Variants in PCDHGA9 observed in about 807,000 individuals in gnomAD.
PCDHGA9 encodes protocadherin gamma-A9.
PCDHGA9 carries 37 observed loss-of-function variants against 62.5 expected under a neutral mutation model. The ratio of observed to expected loss-of-function variants is 0.59; its 90% CI spans 0.46 to 0.78. The LOEUF is 0.78. Among genes scored for constraint, PCDHGA9 ranks in the 30% least tolerant of loss-of-function variants. The pLI is 0.00. For synonymous variants in PCDHGA9, 459 were observed against 484.6 expected (o/e 0.95, Z 0.69); for missense variants, 1,138 against 1,166.2 (o/e 0.98, Z 0.35).
rs542248328 is a variant in PCDHGA9, at chr5:141,432,682, C to T, written c.2424+27306C>T. ...TGGACAGAGACGCGCTCAAGCAGAG[C>T]CTCGTAGTGGCCGTCCAGGACCACG... On this transcript the variant is annotated intron_variant, in intron 1 of 3. Coordinates refer to ENST00000573521, the MANE Select transcript of PCDHGA9 (RefSeq NM_018921.3). This position sits in a 1 kb window ranked among gnomAD's most constrained non-coding sequence, Gnocchi z 6.0. The T allele has an allele frequency of 6.5e-5, 105 of 1,613,976 alleles. No homozygotes were observed. In the African/African-American group the frequency reaches 1.1e-3, roughly 17 times the overall value.
intron 1 of PCDHGA9, among the ~76,000 whole-genome samples, chr5:141,469,029 C>A (rs2099189188): frequency 6.6e-6 from 1 of 152,052 alleles, no homozygotes; most frequent in Non-Finnish European, 1.5e-5. Flanking sequence ...GTAATCCCAG[C>A]ACTTTGGGAG....
chr5:141,415,819 TA>T, intron 1 of PCDHGA9: 2 of 1,328,322 alleles, frequency 1.5e-6, no homozygotes, highest in African/African-American at 1.5e-5. Context: ...CTATATATCA[TA>T]AGGCTTTGTT....
At chr5:141,507,785 C>T (rs1203302886) in intron 3 of PCDHGA9, among the ~76,000 whole-genome samples, 1 of 152,222 alleles carries the variant, frequency 6.6e-6, no homozygotes, top group African/African-American at 2.4e-5. Context: ...GCCTGACCCT[C>T]GTCTAAGCCT....
intron 1 of PCDHGA9, 146 bp from the exon 2 acceptor site, chr5:141,494,661 G>C (rs2099755951): frequency 6.7e-7 from 1 of 1,492,856 alleles, no homozygotes; most frequent in African/African-American, 1.4e-5. Context: ...TTTGTCTTTG[G>C]AGATGAGTCC....
chr5:141,457,798 C>T (rs1233396158), intron 1 of PCDHGA9, among the ~76,000 whole-genome samples: 5 of 152,194 alleles, frequency 3.3e-5, no homozygotes, highest in African/African-American at 9.6e-5. Context: ...GTTATCCTCT[C>T]CTCTTGAGGT....
chr5:141,405,621 C>T lies in PCDHGA9; in HGVS notation c.2424+245C>T, dbSNP rs2094693815. 9.2e-6 allele frequency: 5 copies of T among 543,194 alleles called. No individual in the cohort carries two copies. In the South Asian group the frequency reaches 1.0e-4, roughly 11 times the overall value. 33.6% of individuals were successfully genotyped at this position (543,194 alleles called of 1,614,324 possible). ...AGTAGAATAACTGGGACTACAGGCA[C>T]GTGCCACCACGCCCGGCTAATTTTT... On this transcript the variant is annotated intron_variant, in intron 1 of 3. Coordinates refer to ENST00000573521, the MANE Select transcript of PCDHGA9 (RefSeq NM_018921.3).
At chr5:141,509,040 C>G (rs1217864661) in intron 3 of PCDHGA9, among the ~76,000 whole-genome samples, 1 of 152,132 alleles carries the variant, frequency 6.6e-6, no homozygotes, top group Non-Finnish European at 1.5e-5. Context: ...CAACCCCTCT[C>G]CCCCGCCCCC....
Position 141,491,755 on chromosome 5 carries a change from G to A in PCDHGA9, c.2425-3052G>A. On this transcript the variant is annotated intron_variant, in intron 1 of 3. Transcript: ENST00000573521. This position sits in a 1 kb window ranked among gnomAD's most constrained non-coding sequence, Gnocchi z 6.9. Reference sequence around the variant, plus strand: ...CCCTGGGGGCGGCACTGGAGAAGCCGCCCGTCCTCATAAGGGATTGAACTT... The same window carrying A: ...CCCTGGGGGCGGCACTGGAGAAGCCACCCGTCCTCATAAGGGATTGAACTT... 6 of 1,582,196 alleles carry A rather than the reference G, an allele frequency of 3.8e-6. No individual in the cohort carries two copies. The highest frequency in any genetic ancestry group is 5.1e-6 in the Non-Finnish European group (6 of 1,165,450).
rs1230185523 is a variant in PCDHGA9, at chr5:141,413,155, G to C, written c.2424+7779G>C. 10 of 1,576,552 alleles carry C rather than the reference G, an allele frequency of 6.3e-6. No individual in the cohort carries two copies. The South Asian group carries it at 1.2e-4, about 18-fold the overall frequency. ...CAACGTGTCCAGTGAGGACTTTGCA[G>C]AATTCTGTAACCAGACTACAATGGC... On this transcript the variant is annotated intron_variant, in intron 1 of 3. Coordinates refer to ENST00000573521, the MANE Select transcript of PCDHGA9 (RefSeq NM_018921.3).
intron 3 of PCDHGA9, among the ~76,000 whole-genome samples, chr5:141,506,444 C>CAA (rs1219684339): frequency 1.2e-3 from 116 of 94,976 alleles, no homozygotes; most frequent in African/African-American, 4.2e-3. Flanking sequence ...CGCTCTGTCT[C>CAA]AAAAAAAAAA....
At chr5:141,409,973 G>A in intron 1 of PCDHGA9, 1 of 1,613,380 alleles carries the variant, frequency 6.2e-7, no homozygotes, top group Non-Finnish European at 8.5e-7. Context: ...AGTGACTAAG[G>A]TGGTAGCGGT....
intron 1 of PCDHGA9, chr5:141,413,659 A>G (rs2095663872): frequency 1.2e-6 from 2 of 1,613,830 alleles, no homozygotes; most frequent in African/African-American, 1.3e-5. Flanking sequence ...CCCGGAAGCT[A>G]TTGATCCGGA....
chr5:141,511,129 G>A lies in PCDHGA9; in HGVS notation c.2755G>A (p.Gly919Ser). ...GCGGGATGGCAAGGCCCCAGCAGGT[G>A]GCAATGGCAACAAGAAGAAGTCGGG... ...GKRDGKAPAGGNGNKKKSGKK... is the reference protein window; with the variant it reads ...GKRDGKAPAGSNGNKKKSGKK... Residue 919 changes from glycine to serine, a missense_variant, in exon 4 of 4, where the codon GGC becomes AGC. By Grantham distance (56) the Gly-to-Ser change is moderately conservative. Coordinates refer to ENST00000573521, the MANE Select transcript of PCDHGA9 (RefSeq NM_018921.3). 1 of 1,614,204 alleles carries A rather than the reference G, an allele frequency of 6.2e-7. No individual in the cohort carries two copies. Among genetic ancestry groups the A allele is most frequent in the Non-Finnish European group, 8.5e-7 (1 of 1,180,014 alleles).
At chr5:141,467,337 G>A (rs1018807977) in intron 1 of PCDHGA9, among the ~76,000 whole-genome samples, 1 of 152,162 alleles carries the variant, frequency 6.6e-6, no homozygotes, top group Admixed American at 6.6e-5. Flanking sequence ...AGAGACGTAA[G>A]CCACTGCCCC....
At chr5:141,496,310 A>G (rs1446146598) in intron 2 of PCDHGA9, among the ~76,000 whole-genome samples, 1 of 152,218 alleles carries the variant, frequency 6.6e-6, no homozygotes, top group East Asian at 1.9e-4. Context: ...GCTCTGCGCC[A>G]GGCCTCCCAG....
intron 1 of PCDHGA9, among the ~76,000 whole-genome samples, chr5:141,453,993 A>T (rs2098779172): frequency 6.6e-6 from 1 of 152,234 alleles, no homozygotes; most frequent in African/African-American, 2.4e-5. Flanking sequence ...CCAGTGATAA[A>T]CCCACATAAC....
intron 1 of PCDHGA9, chr5:141,418,921 T>A (rs897705216): frequency 1.9e-6 from 3 of 1,613,928 alleles, no homozygotes; most frequent in Admixed American, 3.3e-5. Context: ...CACTCTCTGA[T>A]CAGATTATGG....
intron 1 of PCDHGA9, among the ~76,000 whole-genome samples, chr5:141,438,619 TATATATATATATATATAC>T (rs1380852637): frequency 0.021 from 829 of 39,644 alleles, 15 homozygotes; most frequent in East Asian, 0.054. Context: ...TATATATATA[TATATATATATATATATAC>T]ACACACACAC....
chr5:141,468,820 C>G (rs1055751689), intron 1 of PCDHGA9, among the ~76,000 whole-genome samples: 1 of 151,830 alleles, frequency 6.6e-6, no homozygotes, highest in Non-Finnish European at 1.5e-5. Context: ...GAGCCAAGAT[C>G]AAGCCACTGC....
Sources: gnomAD v4.1 joint callset for allele counts (sites outside exome capture counted in the v4.1 genomes callset) on GRCh38, gnomAD v4.1.1 for gene constraint, Gnocchi (gnomAD v3.1) non-coding constraint, MANE v1.5 for transcripts, NCBI Gene and HGNC (gene_info 2026-07-23, HGNC 2026-07-21) for gene names.